SLC12A5: variants seen among roughly 807,000 people sequenced by gnomAD.
The protein encoded by SLC12A5 is K-Cl cotransporter 2.
In SLC12A5, 18 loss-of-function variants were observed where a neutral mutation model predicts 124.0. The observed-to-expected ratio is 0.15, with a 90% confidence interval of 0.10 to 0.22. The LOEUF (loss-of-function observed/expected upper bound fraction) is 0.22. Ranked by LOEUF, SLC12A5 falls within the 10% of genes least tolerant of loss-of-function variation. The pLI is 1.00. For missense variants in SLC12A5, 867 were observed against 1,478.7 expected, an observed-to-expected ratio of 0.59 and a Z score of 6.78; for synonymous variants, 589 against 568.0, an observed-to-expected ratio of 1.04 and a Z score of -0.53.
chr20:46,040,876 G>C, intron 7 of SLC12A5: 1 of 538,722 alleles, frequency 1.9e-6, no homozygotes, highest in Non-Finnish European at 3.3e-6. Context: ...AATTAAGTGG[G>C]AATGAGTTCC....
intron 8 of SLC12A5, among the ~76,000 whole-genome samples, chr20:46,042,101 C>A (rs1238431796): frequency 1.3e-5 from 2 of 152,102 alleles, no homozygotes; most frequent in Non-Finnish European, 2.9e-5. Flanking sequence ...TGTGTCTTTC[C>A]AATCACAAGT....
At chr20:46,044,056 G>A (rs535962080) in intron 11 of SLC12A5, 123 bp downstream of exon 11, 14 of 843,950 alleles carry the variant, frequency 1.7e-5, no homozygotes, top group African/African-American at 8.5e-5. Flanking sequence ...GGGAGGCCAC[G>A]GGGATTGCTT....
rs1205867261 is a variant in SLC12A5, at chr20:46,057,631, G to C, written c.*26G>C. ...GAACCAGGACCTGCCACCCGGGCCC[G>C]AGCGCGCCCGGCCCGCGGCTCCGGA... On this transcript the variant is annotated 3_prime_UTR_variant, in exon 26 of 26. Transcript: ENST00000243964. The surrounding 1 kb of genome is among the most constrained non-coding windows in gnomAD (Gnocchi z 7.1). 1.3e-6 allele frequency: 2 copies of C among 1,589,404 alleles called. No individual in the cohort carries two copies. The highest frequency in any genetic ancestry group is 1.7e-5 in the Admixed American group (1 of 57,256).
chr20:46,033,366 C>T (rs1357540286), intron 1 of SLC12A5, among the ~76,000 whole-genome samples: 1 of 152,066 alleles, frequency 6.6e-6, no homozygotes, highest in Admixed American at 6.6e-5. Context: ...GGAATTCAGC[C>T]CCGGAATTGA....
chr20:46,026,832 G>C (rs1411237138), upstream of SLC12A5, among the ~76,000 whole-genome samples: 2 of 152,170 alleles, frequency 1.3e-5, no homozygotes, highest in Admixed American at 1.3e-4. Context: ...CTCTAGTGAA[G>C]GTGGACAGAT....
chr20:46,031,301 CCTT>C (rs2084447413), intron 1 of SLC12A5, among the ~76,000 whole-genome samples: 1 of 152,158 alleles, frequency 6.6e-6, no homozygotes. Context: ...CATCTGGAGA[CCTT>C]CTTTCTATAC....
chr20:46,036,791 G>A lies in SLC12A5; in HGVS notation c.477G>A (p.Val159=). 1 of 1,613,976 alleles carries A rather than the reference G, an allele frequency of 6.2e-7. No homozygotes were observed. Among genetic ancestry groups the A allele is most frequent in the South Asian group, 1.1e-5 (1 of 91,072 alleles). Residue 159 remains valine (V), a synonymous_variant, in exon 5 of 26, where the codon GTG becomes GTA. Transcript: ENST00000243964. Reference sequence around the variant, plus strand: ...GTGCAATTGCAACGAATGGTGTTGTGCCTGGTAGGTGACTGGGGCTTTGTG... The same window carrying A: ...GTGCAATTGCAACGAATGGTGTTGTACCTGGTAGGTGACTGGGGCTTTGTG... ...SMSAIATNGV[V]PAGGSYYMIS...
In SLC12A5 at chr20:46,029,889, T is replaced by TGC. The variant is rs1160981762; in HGVS notation, c.52+501_52+502dup. ...GTGTGTGTGTGTGTGTGTGTGTGTG[T>TGC]GCGCGCGCGTGCGTATGTGTGTGTG... On this transcript the variant is annotated intron_variant, in intron 1 of 25. Transcript: ENST00000243964. 7.4e-4 allele frequency among the ~76,000 whole-genome samples: 56 copies of TGC among 75,344 alleles called. 1 individual carries two copies. The highest frequency in any genetic ancestry group is 3.4e-3 in the Admixed American group (29 of 8,458). The allele number at this position is 75,344 out of a possible 152,430, so 49.4% of individuals were successfully genotyped here.
At chr20:46,025,432 G>T (rs1398597816), upstream of SLC12A5, among the ~76,000 whole-genome samples, 3 of 152,194 alleles carry the variant, frequency 2.0e-5, no homozygotes, top group Non-Finnish European at 2.9e-5. Context: ...GAACGGGGCT[G>T]CAGTTGCCAT....
rs201880006 is a variant in SLC12A5, at chr20:46,043,954, C to T, written c.1394+21C>T. 4.3e-4 allele frequency: 674 copies of T among 1,577,814 alleles called. 3 individuals are homozygous for T. The highest frequency in any genetic ancestry group is 8.7e-5 in the Non-Finnish European group (101 of 1,160,348). On this transcript the variant is annotated intron_variant, in intron 11 of 25. Transcript: ENST00000243964. ...GACAAGTAAGATAATTGGGGTTGATCCTATTCTGGGGGAGGGGTGGGTATA... is the reference window on the plus strand; with the variant it reads ...GACAAGTAAGATAATTGGGGTTGATTCTATTCTGGGGGAGGGGTGGGTATA...
At chr20:46,029,042 T>A, upstream of SLC12A5, 1 of 1,029,090 alleles carries the variant, frequency 9.7e-7, no homozygotes, top group South Asian at 3.2e-5. Context: ...AGTCGGGCTC[T>A]GCCCGCCCCT....
rs1332535800 is a variant in SLC12A5 at position 46,050,231 on chromosome 20, GGGAAAGCTGCTTGCTGAAAGTC to G, written c.2181+464_2181+485del. The stretch of plus-strand genomic sequence containing the variant: ...ACAGGAAGAAACTGAGACCCAGAGA[GGGAAAGCTGCTTGCTGAAAGTC>G]GGAAAGCTGCTTGCTGAAAGTCAGA... On this transcript the variant is annotated intron_variant, in intron 17 of 25. Transcript: ENST00000243964. Among the ~76,000 whole-genome samples, 10 of 152,348 alleles carry G rather than the reference GGGAAAGCTGCTTGCTGAAAGTC, an allele frequency of 6.6e-5. 1 individual carries two copies. Among genetic ancestry groups the G allele is most frequent in the South Asian group, 6.2e-4 (3 of 4,828 alleles).
intron 8 of SLC12A5, 24 bp from the exon 9 acceptor site, chr20:46,043,129 C>G (rs2084562467): frequency 6.2e-7 from 1 of 1,610,958 alleles, no homozygotes; most frequent in African/African-American, 1.3e-5. Context: ...CTGGCCTCCC[C>G]CTGAGCATTC....
chr20:46,029,378 G>A lies in SLC12A5; in HGVS notation c.34G>A (p.Asp12Asn). 1.3e-6 allele frequency: 2 copies of A among 1,549,602 alleles called. No individual in the cohort carries two copies. The highest frequency in any genetic ancestry group is 1.7e-4 in the Middle Eastern group (1 of 5,948). ...LNNLTDCEDG[D>N]GGANPGDGNP... ...CAACCTGACGGACTGCGAGGACGGC[G>A]ATGGGGGAGCCAACCCGGGTAAGCT... Residue 12 changes from aspartate to asparagine, a missense_variant, in exon 1 of 26, where the codon GAT (aspartate) becomes AAT (asparagine). This residue lies in a region of SLC12A5 where 58 missense variants were observed against 52.2 expected (regional missense o/e 1.11). Transcript: ENST00000243964.
In SLC12A5 at chr20:46,040,361, C is replaced by G; in HGVS notation, c.613-12C>G. 1 of 1,613,322 alleles carries G rather than the reference C, an allele frequency of 6.2e-7. No individual in the cohort carries two copies. Among genetic ancestry groups the G allele is most frequent in the East Asian group, 2.2e-5 (1 of 44,882 alleles). The stretch of plus-strand genomic sequence containing the variant: ...GACTTAGGTATCTGTTCTTCCTGCC[C>G]CTTTCCCACAGGCTTACCTCTTCCC... On this transcript the variant is annotated splice_polypyrimidine_tract_variant and intron_variant, in intron 6 of 25. Transcript: ENST00000243964.
intron 1 of SLC12A5, among the ~76,000 whole-genome samples, chr20:46,033,728 C>T (rs2084473632): frequency 6.6e-6 from 1 of 152,158 alleles, no homozygotes; most frequent in South Asian, 2.1e-4. Context: ...CAACCATTCA[C>T]CCATGCTAGA....
chr20:46,053,767 A>G lies in SLC12A5; in HGVS notation c.2679+58A>G. The G allele has an allele frequency of 6.7e-7, 1 of 1,503,738 alleles. No homozygotes were observed. Among genetic ancestry groups the G allele is most frequent in the Non-Finnish European group, 8.9e-7 (1 of 1,123,260 alleles). The allele number at this position is 1,503,738 out of a possible 1,614,324, so 93.1% of individuals were successfully genotyped here. On this transcript the variant is annotated intron_variant, in intron 20 of 25. Coordinates refer to ENST00000243964, the MANE Select transcript of SLC12A5 (RefSeq NM_020708.5). The surrounding 1 kb of genome is among the most constrained non-coding windows in gnomAD (Gnocchi z 4.7). ...CCTGGCCCTCTTTCCTCTTGGCCCC[A>G]GCACCAAGTAGGGCAACTCTAACAC...
intron 17 of SLC12A5, among the ~76,000 whole-genome samples, chr20:46,051,328 G>A (rs541566975): frequency 7.9e-5 from 12 of 152,238 alleles, no homozygotes; most frequent in African/African-American, 2.2e-4. Context: ...ATCTGAAGAC[G>A]GCGACATTTG....
At chr20:46,027,827 C>T, upstream of SLC12A5, 1 of 152,174 alleles carries the variant, frequency 6.6e-6, no homozygotes, top group East Asian at 1.9e-4. Context: ...GGCATTATGT[C>T]CACAGGCAGT....
Sources: allele counts gnomAD v4.1 joint callset (sites outside exome capture counted in the v4.1 genomes callset), GRCh38; gene constraint gnomAD v4.1.1; regional missense constraint gnomAD v4.1.1; non-coding constraint Gnocchi (gnomAD v3.1); transcripts MANE v1.5; gene names NCBI Gene and HGNC (gene_info 2026-07-23, HGNC 2026-07-21).